EFNA5: variants seen among roughly 807,000 people sequenced by gnomAD.
EFNA5 encodes ephrin A5.
A neutral mutation model predicts 22.9 loss-of-function variants in EFNA5; 5 were observed. The observed-to-expected ratio is 0.22, with a 90% CI of 0.11 to 0.46. The LOEUF is 0.46. EFNA5 is among the 20% of genes least tolerant of loss of function. The probability of loss-of-function intolerance (pLI) is 0.99; values close to 1 mark genes in which losing one functional copy is unlikely to be tolerated. For synonymous variants in EFNA5, 113 were observed against 112.2 expected (o/e 1.01, Z -0.04); for missense variants, 237 against 293.3 (o/e 0.81, Z 1.40).
At chr5:107,565,492 GTC>G (rs1748646795) in intron 1 of EFNA5, among the ~76,000 whole-genome samples, 1 of 152,084 alleles carries the variant, frequency 6.6e-6, no homozygotes, top group Non-Finnish European at 1.5e-5. Context: ...TTTAATGTTA[GTC>G]TGGGAAATAA....
At chr5:107,433,918 T>A (rs1749040747) in intron 1 of EFNA5, among the ~76,000 whole-genome samples, 1 of 148,962 alleles carries the variant, frequency 6.7e-6, no homozygotes, top group Non-Finnish European at 1.5e-5. Context: ...AAAAAAAAAA[T>A]TGCTCCCTGT....
At chr5:107,403,669 G>A (rs1748142888) in intron 2 of EFNA5, among the ~76,000 whole-genome samples, 1 of 152,100 alleles carries the variant, frequency 6.6e-6, no homozygotes, top group South Asian at 2.1e-4. Flanking sequence ...TTCACACATA[G>A]CTTTATATCT....
intron 1 of EFNA5, among the ~76,000 whole-genome samples, chr5:107,462,302 C>CA (rs1749854275): frequency 6.6e-6 from 1 of 151,688 alleles, no homozygotes; most frequent in South Asian, 2.1e-4. Flanking sequence ...AAGAGATGAG[C>CA]AAAAAAGAGA....
chr5:107,662,781 TTGAG>T (rs1390885642), intron 1 of EFNA5, among the ~76,000 whole-genome samples: 2 of 101,442 alleles, frequency 2.0e-5, no homozygotes, highest in African/African-American at 7.9e-5. Context: ...CCGGGTAGAC[TTGAG>T]TAATTAAAAA....
intron 1 of EFNA5, among the ~76,000 whole-genome samples, chr5:107,617,271 G>A (rs957574607): frequency 1.7e-4 from 25 of 151,124 alleles, no homozygotes; most frequent in African/African-American, 5.8e-4. Flanking sequence ...GAGAGAGAGA[G>A]AGAACCACAG....
At chr5:107,662,895 T>C (rs1041835028) in intron 1 of EFNA5, among the ~76,000 whole-genome samples, 1 of 151,414 alleles carries the variant, frequency 6.6e-6, no homozygotes, top group Admixed American at 6.6e-5. Context: ...GGGCTATTAA[T>C]ATATCACTTT....
At chr5:107,572,481 G>A (rs1748834990) in intron 1 of EFNA5, among the ~76,000 whole-genome samples, 2 of 152,162 alleles carry the variant, frequency 1.3e-5, no homozygotes, top group Admixed American at 1.3e-4. Flanking sequence ...AGGGAGGAGG[G>A]GGCCGCCAAA....
chr5:107,547,506 T>G (rs1748190050), intron 1 of EFNA5, among the ~76,000 whole-genome samples: 1 of 151,234 alleles, frequency 6.6e-6, no homozygotes, highest in South Asian at 2.1e-4. Flanking sequence ...TTTAAAATGT[T>G]AGCGTAAGAC....
At chr5:107,387,158 A>C (rs1184882403) in intron 4 of EFNA5, 77 bp downstream of exon 4, 3 of 1,021,930 alleles carry the variant, frequency 2.9e-6, no homozygotes, top group Non-Finnish European at 4.4e-6. Context: ...ACATGCAGAG[A>C]AGAAGAAAGG....
rs1423146249 is a variant in EFNA5 at position 107,496,348 on chromosome 5, A to AC, written c.126-68840_126-68839insG. Among the ~76,000 whole-genome samples the AC allele has an allele frequency of 6.0e-5, 9 of 149,914 alleles. No homozygotes were observed. The South Asian group carries it at 1.3e-3, about 21-fold the overall frequency. The stretch of plus-strand genomic sequence containing the variant: ...CAAAATTCCATCTCAAAAAAAAAAA[A>AC]AAAAACAAAAAAACAAAAAACAACA... On this transcript the variant is annotated intron_variant, in intron 1 of 4. Coordinates refer to ENST00000333274, the MANE Select transcript of EFNA5 (RefSeq NM_001962.3).
intron 1 of EFNA5, among the ~76,000 whole-genome samples, chr5:107,547,652 C>T (rs968122455): frequency 6.6e-6 from 1 of 151,986 alleles, no homozygotes; most frequent in Non-Finnish European, 1.5e-5. Context: ...TTAAAAAAGA[C>T]ATTAAGTAGA....
chr5:107,628,693 C>T (rs202040678), intron 1 of EFNA5, among the ~76,000 whole-genome samples: 1 of 152,032 alleles, frequency 6.6e-6, no homozygotes, highest in Non-Finnish European at 1.5e-5. Flanking sequence ...TACAATGTAA[C>T]TCAAAGAGGG....
At chr5:107,513,921 A>T (rs1747426074) in intron 1 of EFNA5, among the ~76,000 whole-genome samples, 1 of 152,208 alleles carries the variant, frequency 6.6e-6, no homozygotes, top group African/African-American at 2.4e-5. Flanking sequence ...GTTGCGAGGT[A>T]GGCCTGGGTC....
At chr5:107,401,827 C>A (rs987864643) in intron 2 of EFNA5, among the ~76,000 whole-genome samples, 1 of 152,134 alleles carries the variant, frequency 6.6e-6, no homozygotes, top group South Asian at 2.1e-4. Context: ...CATTACCAGG[C>A]GGCTCCGGGG....
intron 2 of EFNA5, among the ~76,000 whole-genome samples, chr5:107,423,410 T>C (rs1170677545): frequency 1.4e-5 from 1 of 69,092 alleles, no homozygotes; most frequent in Admixed American, 1.6e-4. Flanking sequence ...CTAAAAGGAG[T>C]ATTAAAAAAA....
intron 2 of EFNA5, among the ~76,000 whole-genome samples, chr5:107,413,111 G>C (rs1748414496): frequency 6.6e-6 from 1 of 152,218 alleles, no homozygotes; most frequent in East Asian, 1.9e-4. Context: ...TGAAGCATGG[G>C]TTGAAGTCTC....
At chr5:107,418,990 T>C (rs1241900363) in intron 2 of EFNA5, among the ~76,000 whole-genome samples, 1 of 152,212 alleles carries the variant, frequency 6.6e-6, no homozygotes, top group East Asian at 1.9e-4. Context: ...AAAAATACTT[T>C]TCAATACCCT....
chr5:107,456,051 A>G (rs1215382606), intron 1 of EFNA5, among the ~76,000 whole-genome samples: 1 of 152,174 alleles, frequency 6.6e-6, no homozygotes, highest in African/African-American at 2.4e-5. Context: ...TGTTAAAGAT[A>G]TTAATTGTCT....
chr5:107,448,866 T>TAAATAAATAAATAAATA (rs111606856), intron 1 of EFNA5, among the ~76,000 whole-genome samples: 7 of 141,374 alleles, frequency 5.0e-5, no homozygotes, highest in African/African-American at 1.6e-4. Flanking sequence ...AATAAATAAA[T>TAAATAAATAAATAAATA]AAATAAAATA....
Sources: gnomAD v4.1 joint callset for allele counts (sites outside exome capture counted in the v4.1 genomes callset) on GRCh38, gnomAD v4.1.1 for gene constraint, MANE v1.5 for transcripts, NCBI Gene and HGNC (gene_info 2026-07-23, HGNC 2026-07-21) for gene names.